PRAMEF17: variants seen among roughly 807,000 people sequenced by gnomAD.
The protein encoded by PRAMEF17 is PRAME family member 17.
Under a neutral mutation model 36.8 loss-of-function variants are expected in PRAMEF17, and 48 were observed. The observed-to-expected ratio is 1.30, with a 90% CI of 1.03 to 1.66. The LOEUF (loss-of-function observed/expected upper bound fraction) is 1.66. Among genes scored for constraint, PRAMEF17 ranks in the 40% most tolerant of loss-of-function variants. PRAMEF17 has a pLI of 0.00. For missense variants in PRAMEF17, 639 were observed against 560.6 expected (o/e 1.14, Z -1.41); for synonymous variants, 246 against 220.4 (o/e 1.12, Z -1.03).
At position 13,390,476 on chromosome 1, in the gene PRAMEF17, G is replaced by A. The variant is rs374222074; in HGVS notation, c.423G>A (p.Thr141=). The A allele has an allele frequency of 3.8e-5, 61 of 1,611,852 alleles. No individual in the cohort carries two copies. Among genetic ancestry groups the A allele is most frequent in the African/African-American group, 2.1e-4 (16 of 74,844 alleles). The change falls in exon 2 of 3, where the codon ACG becomes ACA. Residue 141 remains threonine, a synonymous_variant. Coordinates refer to ENST00000376098, the MANE Select transcript of PRAMEF17 (RefSeq NM_001099851.3). The part of the protein sequence containing the change: ...KRQTVEDYPR[T]GEHQPLKVFI... ...AGACAGTGGAGGACTATCCAAGGAC[G>A]GGAGAGCACCAGCCCTTGAAGGTGT...
chr1:13,389,785 C>T lies in PRAMEF17; in HGVS notation c.128C>T (p.Ala43Val), dbSNP rs1452728295. 31 of 1,612,920 alleles carry T rather than the reference C, an allele frequency of 1.9e-5. No homozygotes were observed. The highest frequency in any genetic ancestry group is 2.6e-5 in the Non-Finnish European group (31 of 1,180,040). ...GTCTTCCCTCTGATGTTCATGGAGG[C>T]CTCCAGCATGAGACATTTTGAGGCC... ...REVFPLMFMEASSMRHFEALK... is the reference protein window; with the variant it reads ...REVFPLMFMEVSSMRHFEALK... The change falls in exon 1 of 3, where the codon GCC becomes GTC. Residue 43 changes from alanine to valine, a missense_variant. Physicochemically the swap from Ala to Val is moderately conservative, Grantham distance 64. Transcript: ENST00000376098.
chr1:13,391,521 T>G (rs1242076607), intron 2 of PRAMEF17, among the ~76,000 whole-genome samples: 1 of 152,152 alleles, frequency 6.6e-6, no homozygotes, highest in East Asian at 1.9e-4. Flanking sequence ...TGCAGGCAGG[T>G]GGTCCTAGCA....
intron 1 of PRAMEF17, among the ~76,000 whole-genome samples, 194 bp from the exon 2 acceptor site, chr1:13,390,147 T>C (rs1229790715): frequency 2.6e-5 from 4 of 151,988 alleles, no homozygotes; most frequent in Non-Finnish European, 5.9e-5. Flanking sequence ...GGAACCTGCT[T>C]CCTCCCAGTG....
rs1370944206 is a variant in PRAMEF17, at chr1:13,390,786, G to A, written c.733G>A (p.Asp245Asn). 6.5e-5 allele frequency: 105 copies of A among 1,610,892 alleles called. No individual in the cohort carries two copies. The African/African-American group carries it at 9.7e-4, about 15-fold the overall frequency. The change falls in exon 2 of 3, where the codon GAT (aspartate) becomes AAT (asparagine). Residue 245 changes from aspartate (D) to asparagine (N), a missense_variant. Physicochemically the swap from Asp to Asn is conservative, Grantham distance 23. Transcript: ENST00000376098. ...ACTCTTTTTAGCCTTCGGTTATGAC[G>A]ATGAGTTATATGTAAGCGGCCAACA... ...RKLFLAFGYD[D>N]ELYVSGQQQF... is the part of the protein sequence containing the mutation.
rs1311823982 is a variant in PRAMEF17, at chr1:13,390,804, G to A, written c.751G>A (p.Gly251Ser). 3.7e-6 allele frequency: 6 copies of A among 1,611,702 alleles called. No homozygotes were observed. Among genetic ancestry groups the A allele is most frequent in the African/African-American group, 2.7e-5 (2 of 74,726 alleles). Residue 251 changes from glycine to serine, a missense_variant, in exon 2 of 3, where the codon GGC becomes AGC. Physicochemically the swap from Gly to Ser is moderately conservative, Grantham distance 56 (BLOSUM62 0). Transcript: ENST00000376098. ...FGYDDELYVSGQQQFVPDLDC... is the reference protein window; with the variant it reads ...FGYDDELYVSSQQQFVPDLDC... The stretch of plus-strand genomic sequence containing the variant: ...TTATGACGATGAGTTATATGTAAGC[G>A]GCCAACAGCAGTTCGTTCCTGACTT...
intron 1 of PRAMEF17, 46 bp downstream of exon 1, chr1:13,389,990 G>A (rs1557467943): frequency 6.2e-7 from 1 of 1,611,998 alleles, no homozygotes; most frequent in East Asian, 2.2e-5. Context: ...AGGCATCCAG[G>A]GAAGGGACAG....
At chr1:13,391,162 G>A (rs1354698816) in intron 2 of PRAMEF17, among the ~76,000 whole-genome samples, 2 of 152,142 alleles carry the variant, frequency 1.3e-5, no homozygotes, top group Non-Finnish European at 2.9e-5. Flanking sequence ...GACATGCAGG[G>A]AGCTAGTTAG....
In PRAMEF17 at chr1:13,389,781, G is replaced by A; in HGVS notation, c.124G>A (p.Glu42Lys). 1 of 1,612,892 alleles carries A rather than the reference G, an allele frequency of 6.2e-7. No individual in the cohort carries two copies. The highest frequency in any genetic ancestry group is 8.5e-7 in the Non-Finnish European group (1 of 1,180,020). The change falls in exon 1 of 3, where the codon GAG becomes AAG. Residue 42 changes from glutamate (E) to lysine (K), a missense_variant. Coordinates refer to ENST00000376098, the MANE Select transcript of PRAMEF17 (RefSeq NM_001099851.3). The part of the protein sequence containing the change: ...PREVFPLMFM[E>K]ASSMRHFEAL... ...GGAGGTCTTCCCTCTGATGTTCATG[G>A]AGGCCTCCAGCATGAGACATTTTGA...
chr1:13,390,694 GAA>G lies in PRAMEF17; in HGVS notation c.643_644del (p.Lys215ValfsTer5). ...AGTATCCAGGAGTTGGAAATTAAGA[GAA>G]AGTGCTCTCTGAATAAAACAGGAAA... On this transcript the variant is annotated frameshift_variant, in exon 2 of 3. Transcript: ENST00000376098. LOFTEE classifies it high-confidence loss of function. The G allele has an allele frequency of 6.2e-7, 1 of 1,611,990 alleles. No individual in the cohort carries two copies. Among genetic ancestry groups the G allele is most frequent in the Non-Finnish European group, 8.5e-7 (1 of 1,179,856 alleles).
At position 13,392,597 on chromosome 1, in the gene PRAMEF17, T is replaced by TTG. The variant is rs1275198522; in HGVS notation, c.*96_*97insGT. On this transcript the variant is annotated 3_prime_UTR_variant, in exon 3 of 3. Coordinates refer to ENST00000376098, the MANE Select transcript of PRAMEF17 (RefSeq NM_001099851.3). The stretch of plus-strand genomic sequence containing the variant: ...TGGGTTTTTTTGTTTTTTTGTTTTT[T>TTG]TTTTGATGGAGTCTCGCTCTGTCCC... The TTG allele has an allele frequency of 0.097, 149,501 of 1,547,970 alleles. 7,592 individuals are homozygous for TTG. Among genetic ancestry groups the TTG allele is most frequent in the African/African-American group, 0.13 (9,538 of 72,138 alleles).
At position 13,390,865 on chromosome 1, in the gene PRAMEF17, T is replaced by C; in HGVS notation, c.812T>C (p.Met271Thr). The change falls in exon 2 of 3, where the codon ATG (methionine) becomes ACG (threonine). Residue 271 changes from methionine (M) to threonine (T), a missense_variant. Coordinates refer to ENST00000376098, the MANE Select transcript of PRAMEF17 (RefSeq NM_001099851.3). ...CPFLCLYYPQMLYIRKISNIK... is the reference protein window; with the variant it reads ...CPFLCLYYPQTLYIRKISNIK... ...TTCCTCTGCCTGTACTACCCTCAGA[T>C]GCTTTATATAAGAAAGATCAGTAAT... is the stretch of plus-strand genomic sequence containing the variant. The C allele has an allele frequency of 6.2e-7, 1 of 1,612,036 alleles. No individual in the cohort carries two copies. Among genetic ancestry groups the C allele is most frequent in the Non-Finnish European group, 8.5e-7 (1 of 1,179,862 alleles).
At position 13,390,395 on chromosome 1, in the gene PRAMEF17, T is replaced by G. The variant is rs201841215; in HGVS notation, c.342T>G (p.Thr114=). 3.7e-6 allele frequency: 6 copies of G among 1,611,612 alleles called. No homozygotes were observed. In the East Asian group the frequency reaches 8.9e-5, roughly 24 times the overall value. Residue 114 remains threonine (T), a synonymous_variant, in exon 2 of 3, where the codon ACT becomes ACG. Coordinates refer to ENST00000376098, the MANE Select transcript of PRAMEF17 (RefSeq NM_001099851.3). ...GGGATGTTGATGGGAATTTCTGGACTATATGGTCTGGAGCCAGGGCCCTCT... is the reference window on the plus strand; with the variant it reads ...GGGATGTTGATGGGAATTTCTGGACGATATGGTCTGGAGCCAGGGCCCTCT... ...DLRDVDGNFW[T]IWSGARALSC... is the part of the protein sequence containing the mutation.
In PRAMEF17 at chr1:13,392,283, T is replaced by C. The variant is rs763111436; in HGVS notation, c.1206T>C (p.Gly402=). ...NALKDLLCHT[G]GLSKLGLELY... is the part of the protein sequence containing the mutation. ...TGAAAGACCTGCTGTGTCACACAGG[T>C]GGGCTGAGCAAGTTAGGTCTGGAGT... is the stretch of plus-strand genomic sequence containing the variant. The change falls in exon 3 of 3, where the codon GGT becomes GGC. Residue 402 remains glycine (G), a synonymous_variant. Transcript: ENST00000376098. 294 of 1,611,926 alleles carry C rather than the reference T, an allele frequency of 1.8e-4. No individual in the cohort carries two copies. The highest frequency in any genetic ancestry group is 3.6e-4 in the East Asian group (16 of 44,870).
rs1273387490 is a variant in PRAMEF17 at position 13,392,504 on chromosome 1, G to A, written c.*2G>A. On this transcript the variant is annotated 3_prime_UTR_variant, in exon 3 of 3. Coordinates refer to ENST00000376098, the MANE Select transcript of PRAMEF17 (RefSeq NM_001099851.3). The stretch of plus-strand genomic sequence containing the variant: ...GTGGACTTCCATCTTTGCTCTTAGT[G>A]AAGGCCTGATTAGTGGGATGGATAT... 1 of 1,611,986 alleles carries A rather than the reference G, an allele frequency of 6.2e-7. No individual in the cohort carries two copies. The highest frequency in any genetic ancestry group is 1.1e-5 in the South Asian group (1 of 90,982).
Position 13,389,956 on chromosome 1 carries a change from C to T in PRAMEF17, c.287+12C>T. 6.2e-7 allele frequency: 1 copy of T among 1,612,320 alleles called. No individual in the cohort carries two copies. The highest frequency in any genetic ancestry group is 2.2e-5 in the East Asian group (1 of 44,876). On this transcript the variant is annotated intron_variant, in intron 1 of 2. Coordinates refer to ENST00000376098, the MANE Select transcript of PRAMEF17 (RefSeq NM_001099851.3). ...AAGCTTCGCCCCAGGTGAGGTGACT[C>T]AGGTGGCCTGGTGGGAAGGGTCCAG... is the stretch of plus-strand genomic sequence containing the variant.
At position 13,390,656 on chromosome 1, in the gene PRAMEF17, G is replaced by T. The variant is rs561494074; in HGVS notation, c.603G>T (p.Arg201Ser). Residue 201 changes from arginine (R) to serine (S), a missense_variant, in exon 2 of 3, where the codon AGG becomes AGT. By Grantham distance (110) the Arg-to-Ser change is moderately radical (BLOSUM62 -1). Transcript: ENST00000376098. Reference sequence around the variant, plus strand: ...CAAGTTTCAGAAATTTATTGAAAAGGGTATACCCAGACAGTATCCAGGAGT... The same window carrying T: ...CAAGTTTCAGAAATTTATTGAAAAGTGTATACCCAGACAGTATCCAGGAGT... Reference protein sequence around the residue: ...PTSSFRNLLKRVYPDSIQELE... With the variant: ...PTSSFRNLLKSVYPDSIQELE... The T allele has an allele frequency of 3.5e-5, 57 of 1,611,944 alleles. No homozygotes were observed. In the African/African-American group the frequency reaches 7.1e-4, roughly 20 times the overall value.
rs1640894281 is a variant in PRAMEF17, at chr1:13,392,179, G to A, written c.1102G>A (p.Val368Ile). 1 of 1,611,808 alleles carries A rather than the reference G, an allele frequency of 6.2e-7. No homozygotes were observed. Among genetic ancestry groups the A allele is most frequent in the Non-Finnish European group, 8.5e-7 (1 of 1,179,842 alleles). ...DCQIQDSQLRVLLPALSRCSQ... is the reference protein window; with the variant it reads ...DCQIQDSQLRILLPALSRCSQ... ...TCAGATCCAGGACTCCCAGCTCAGG[G>A]TCCTCCTGCCTGCCCTGAGCCGCTG... Residue 368 changes from valine (V) to isoleucine (I), a missense_variant, in exon 3 of 3, where the codon GTC becomes ATC. By Grantham distance (29) the Val-to-Ile change is conservative. Transcript: ENST00000376098.
At position 13,392,167 on chromosome 1, in the gene PRAMEF17, T is replaced by C. The variant is rs765370088; in HGVS notation, c.1090T>C (p.Ser364Pro). Reference protein sequence around the residue: ...LTLKDCQIQDSQLRVLLPALS... With the variant: ...LTLKDCQIQDPQLRVLLPALS... ...GTTAAAGGACTGTCAGATCCAGGAC[T>C]CCCAGCTCAGGGTCCTCCTGCCTGC... Residue 364 changes from serine (S) to proline (P), a missense_variant, in exon 3 of 3, where the codon TCC becomes CCC. Physicochemically the swap from Ser to Pro is moderately conservative, Grantham distance 74 (BLOSUM62 -1). Coordinates refer to ENST00000376098, the MANE Select transcript of PRAMEF17 (RefSeq NM_001099851.3). 7.4e-6 allele frequency: 12 copies of C among 1,611,794 alleles called. No individual in the cohort carries two copies. The highest frequency in any genetic ancestry group is 6.7e-5 in the East Asian group (3 of 44,874).
rs1221796619 is a variant in PRAMEF17, at chr1:13,390,570, T to C, written c.517T>C (p.Tyr173His). ...GAGCTACCTCTGCAGGTGGATCCAC[T>C]ACAGAAGAGGTCTAGTGCACCTGTG... ...CLSYLCRWIHYRRGLVHLCCN... is the reference protein window; with the variant it reads ...CLSYLCRWIHHRRGLVHLCCN... Residue 173 changes from tyrosine to histidine, a missense_variant, in exon 2 of 3, where the codon TAC becomes CAC. By Grantham distance (83) the Tyr-to-His change is moderately conservative. Coordinates refer to ENST00000376098, the MANE Select transcript of PRAMEF17 (RefSeq NM_001099851.3). 7.4e-6 allele frequency: 12 copies of C among 1,611,846 alleles called. No homozygotes were observed. In the East Asian group the frequency reaches 2.7e-4, roughly 36 times the overall value.
Sources: gnomAD v4.1 joint callset for allele counts (sites outside exome capture counted in the v4.1 genomes callset) on GRCh38, gnomAD v4.1.1 for gene constraint, MANE v1.5 for transcripts, NCBI Gene and HGNC (gene_info 2026-07-23, HGNC 2026-07-21) for gene names.